Variants in ARHGAP15 observed in about 807,000 individuals in gnomAD.
ARHGAP15 encodes the protein Rho GTPase activating protein 15.
ARHGAP15 carries 51 observed loss-of-function variants against 63.7 expected under a neutral mutation model. The ratio of observed to expected loss-of-function variants is 0.80; its 90% CI spans 0.64 to 1.01. The LOEUF (loss-of-function observed/expected upper bound fraction) is 1.01. ARHGAP15 is among the 50% of genes least tolerant of loss of function. The probability of loss-of-function intolerance (pLI) is 0.00; values close to 1 mark genes in which losing one functional copy is unlikely to be tolerated. For synonymous variants in ARHGAP15, 191 were observed against 193.8 expected (o/e 0.99, Z 0.12); for missense variants, 560 against 564.6 (o/e 0.99, Z 0.08).
At position 143,482,773 on chromosome 2, in the gene ARHGAP15, T is replaced by G. The variant is rs896061755; in HGVS notation, c.704-4600T>G. 5.9e-5 allele frequency among the ~76,000 whole-genome samples: 9 copies of G among 152,364 alleles called. No individual in the cohort carries two copies. The East Asian group carries it at 1.7e-3, about 29-fold the overall frequency. ...ACCTTGCTTTATATCCACGCACTTCTTAACATTTTTATTTTGTATTTATAG... is the reference window on the plus strand; with the variant it reads ...ACCTTGCTTTATATCCACGCACTTCGTAACATTTTTATTTTGTATTTATAG... On this transcript the variant is annotated intron_variant, in intron 8 of 13. Transcript: ENST00000295095.
chr2:143,226,848 A>G (rs1693231520), intron 4 of ARHGAP15, among the ~76,000 whole-genome samples: 1 of 152,246 alleles, frequency 6.6e-6, no homozygotes, highest in Admixed American at 6.5e-5. Flanking sequence ...CTCCAGGCAT[A>G]TAAGAGCAAC....
At chr2:143,644,177 T>C (rs1490915300) in intron 12 of ARHGAP15, among the ~76,000 whole-genome samples, 1 of 152,092 alleles carries the variant, frequency 6.6e-6, no homozygotes, top group Non-Finnish European at 1.5e-5. Context: ...TAAGGTTTGA[T>C]AGAGAACGAA....
intron 11 of ARHGAP15, among the ~76,000 whole-genome samples, chr2:143,610,429 A>G (rs1698206762): frequency 6.6e-6 from 1 of 152,172 alleles, no homozygotes; most frequent in African/African-American, 2.4e-5. Context: ...CTTCCTAAGC[A>G]TTTGGACTAA....
At chr2:143,195,258 A>C (rs917053812) in intron 2 of ARHGAP15, among the ~76,000 whole-genome samples, 2 of 152,158 alleles carry the variant, frequency 1.3e-5, no homozygotes, top group African/African-American at 4.8e-5. Flanking sequence ...AATGTCCACT[A>C]TGGCAATTGA....
At chr2:143,538,770 G>C (rs1350078227) in intron 10 of ARHGAP15, among the ~76,000 whole-genome samples, 1 of 152,172 alleles carries the variant, frequency 6.6e-6, no homozygotes, top group Non-Finnish European at 1.5e-5. Context: ...TGTGCTGCTG[G>C]ATTCGGTTTG....
chr2:143,400,170 A>AT (rs1306255222), intron 6 of ARHGAP15, among the ~76,000 whole-genome samples: 1 of 152,002 alleles, frequency 6.6e-6, no homozygotes, highest in African/African-American at 2.4e-5. Context: ...TCAGTGTTAT[A>AT]TTTTTTTAAG....
intron 4 of ARHGAP15, among the ~76,000 whole-genome samples, chr2:143,227,855 G>A (rs747476217): frequency 6.6e-6 from 1 of 152,050 alleles, no homozygotes; most frequent in Non-Finnish European, 1.5e-5. Flanking sequence ...TAAATTCGTA[G>A]GGAATGGACA....
In ARHGAP15 at chr2:143,261,711, G is replaced by T. The variant is rs570420285; in HGVS notation, c.474+11111G>T. Among the ~76,000 whole-genome samples, 6 of 152,172 alleles carry T rather than the reference G, an allele frequency of 3.9e-5. No individual in the cohort carries two copies. The South Asian group carries it at 1.2e-3, about 32-fold the overall frequency. On this transcript the variant is annotated intron_variant, in intron 6 of 13. Coordinates refer to ENST00000295095, the MANE Select transcript of ARHGAP15 (RefSeq NM_018460.4). ...TTAAGCAAATAGTTTCATCATATTTGCCTTCTGGCTTAGGCTAGGTTCCCC... is the reference window on the plus strand; with the variant it reads ...TTAAGCAAATAGTTTCATCATATTTTCCTTCTGGCTTAGGCTAGGTTCCCC...
At chr2:143,591,182 A>T (rs1330201799) in intron 11 of ARHGAP15, among the ~76,000 whole-genome samples, 2 of 152,174 alleles carry the variant, frequency 1.3e-5, no homozygotes, top group African/African-American at 4.8e-5. Context: ...CTCACTATTC[A>T]CAGTTACTTT....
chr2:143,214,398 G>C (rs1381203846), intron 3 of ARHGAP15, among the ~76,000 whole-genome samples: 1 of 152,158 alleles, frequency 6.6e-6, no homozygotes, highest in South Asian at 2.1e-4. Context: ...CCAAACATTT[G>C]TGGATACCAG....
intron 6 of ARHGAP15, among the ~76,000 whole-genome samples, chr2:143,421,808 G>T (rs930870282): frequency 3.3e-4 from 49 of 147,304 alleles, no homozygotes; most frequent in African/African-American, 1.2e-3. Flanking sequence ...ATATGTGTGT[G>T]TTTCATTATT....
At chr2:143,588,838 C>T (rs1295502474) in intron 11 of ARHGAP15, among the ~76,000 whole-genome samples, 1 of 152,158 alleles carries the variant, frequency 6.6e-6, no homozygotes, top group Non-Finnish European at 1.5e-5. Flanking sequence ...AAACCCTCTG[C>T]TTTTTGGATT....
intron 2 of ARHGAP15, among the ~76,000 whole-genome samples, chr2:143,182,445 T>A (rs1173370879): frequency 2.6e-5 from 4 of 152,180 alleles, no homozygotes; most frequent in Non-Finnish European, 5.9e-5. Context: ...GAAGTATGTC[T>A]GTACTTATAT....
chr2:143,578,312 ATGT>A (rs1696755466), intron 11 of ARHGAP15, among the ~76,000 whole-genome samples: 1 of 152,168 alleles, frequency 6.6e-6, no homozygotes, highest in African/African-American at 2.4e-5. Flanking sequence ...AGCTAAGCAC[ATGT>A]TGTCATTCAA....
Position 143,517,795 on chromosome 2 carries a change from C to T in ARHGAP15, c.827-1471C>T, listed in dbSNP as rs1005882336. Among the ~76,000 whole-genome samples the T allele has an allele frequency of 1.7e-3, 261 of 152,086 alleles. 6 individuals are homozygous for T. Among genetic ancestry groups the T allele is most frequent in the Non-Finnish European group, 6.0e-4 (41 of 68,018 alleles). ...CTGCAATAAGAAGATACCATTTGAT[C>T]AGAGACCTAAGGCAATGGAGTTCCA... On this transcript the variant is annotated intron_variant, in intron 9 of 13. Coordinates refer to ENST00000295095, the MANE Select transcript of ARHGAP15 (RefSeq NM_018460.4).
chr2:143,390,926 G>T (rs760272753), intron 6 of ARHGAP15, among the ~76,000 whole-genome samples: 7 of 152,122 alleles, frequency 4.6e-5, no homozygotes, highest in Non-Finnish European at 8.8e-5. Context: ...ATTGTTGCTG[G>T]CTTGAAAATC....
intron 11 of ARHGAP15, among the ~76,000 whole-genome samples, chr2:143,585,626 T>G (rs1398435215): frequency 6.6e-6 from 1 of 152,142 alleles, no homozygotes; most frequent in Non-Finnish European, 1.5e-5. Context: ...TTCAAATAAA[T>G]GTTTATTTGA....
chr2:143,710,189 C>T (rs1008736664), intron 13 of ARHGAP15, among the ~76,000 whole-genome samples: 9 of 151,830 alleles, frequency 5.9e-5, no homozygotes, highest in Non-Finnish European at 8.8e-5. Flanking sequence ...CTGTGGGACA[C>T]GGGTTGTGAG....
chr2:143,721,352 C>A (rs1243379885), intron 13 of ARHGAP15, among the ~76,000 whole-genome samples: 1 of 152,110 alleles, frequency 6.6e-6, no homozygotes, highest in Non-Finnish European at 1.5e-5. Flanking sequence ...CATGGAGTGT[C>A]CAAAATAATA....
Sources: allele counts gnomAD v4.1 joint callset (sites outside exome capture counted in the v4.1 genomes callset), GRCh38; gene constraint gnomAD v4.1.1; transcripts MANE v1.5; gene names NCBI Gene and HGNC (gene_info 2026-07-23, HGNC 2026-07-21).